RELN: variants seen among roughly 807,000 people sequenced by gnomAD.
The protein encoded by RELN is reelin.
A neutral mutation model predicts 427.6 loss-of-function variants in RELN; 108 were observed. The observed-to-expected ratio is 0.25, with a 90% CI of 0.22 to 0.30. The LOEUF is 0.30. RELN is among the 10% of genes least tolerant of loss of function. The pLI is 1.00. For missense variants in RELN, 3,715 were observed against 4,302.8 expected (o/e 0.86, Z 3.82); for synonymous variants, 1,524 against 1,513.4 (o/e 1.01, Z -0.16).
rs1207522765 is a variant in RELN, at chr7:103,603,728, G to A, written c.3147-238C>T. On this transcript the variant is annotated intron_variant, in intron 23 of 64. Coordinates refer to ENST00000428762, the MANE Select transcript of RELN (RefSeq NM_005045.4). This position sits in a 1 kb window ranked among gnomAD's most constrained non-coding sequence, Gnocchi z 4.3. Reference sequence around the variant, plus strand: ...ATAATGCTGTAAGGGTAGAATTTGGGCATCAAGTATTTACGAAGGACAGTG... The same window carrying A: ...ATAATGCTGTAAGGGTAGAATTTGGACATCAAGTATTTACGAAGGACAGTG... 1.3e-5 allele frequency among the ~76,000 whole-genome samples: 2 copies of A among 152,096 alleles called. No homozygotes were observed. The highest frequency in any genetic ancestry group is 2.9e-5 in the Non-Finnish European group (2 of 68,006).
intron 6 of RELN, among the ~76,000 whole-genome samples, chr7:103,738,123 T>C (rs1432621549): frequency 6.7e-6 from 1 of 149,402 alleles, no homozygotes; most frequent in East Asian, 2.0e-4. Context: ...TAGTTGCCAG[T>C]TATCATTGTG....
chr7:103,920,073 C>T (rs1050805908), intron 1 of RELN, among the ~76,000 whole-genome samples: 6 of 128,828 alleles, frequency 4.7e-5, no homozygotes, highest in Non-Finnish European at 8.6e-5. Context: ...TCTAGATATA[C>T]TCATTTGAAG....
At chr7:103,714,666 T>C (rs1789893294) in intron 8 of RELN, among the ~76,000 whole-genome samples, 1 of 152,166 alleles carries the variant, frequency 6.6e-6, no homozygotes, top group African/African-American at 2.4e-5. Flanking sequence ...TCAGGGGCCG[T>C]AGCCAAAACA....
chr7:103,687,910 A>G (rs1833795930), intron 10 of RELN, among the ~76,000 whole-genome samples: 1 of 152,102 alleles, frequency 6.6e-6, no homozygotes, highest in Non-Finnish European at 1.5e-5. Context: ...TCCATGTTTC[A>G]CTAATGTTAT....
chr7:103,580,485 A>G (rs1831104924), intron 28 of RELN, among the ~76,000 whole-genome samples: 1 of 152,246 alleles, frequency 6.6e-6, no homozygotes, highest in Admixed American at 6.5e-5. Flanking sequence ...TGTGATGCTA[A>G]GGACAATCTG....
chr7:103,577,801 C>G (rs538982035), intron 28 of RELN, among the ~76,000 whole-genome samples: 2 of 152,350 alleles, frequency 1.3e-5, no homozygotes, highest in African/African-American at 4.8e-5. Context: ...TTCCCTAATA[C>G]AAGTCCTCTT....
intron 12 of RELN, among the ~76,000 whole-genome samples, chr7:103,660,255 GT>G (rs1833110241): frequency 6.6e-6 from 1 of 152,066 alleles, no homozygotes; most frequent in South Asian, 2.1e-4. Context: ...AGGGCTTAAG[GT>G]TTTCCAGGAA....
At chr7:103,800,766 A>G (rs1422710362) in intron 3 of RELN, among the ~76,000 whole-genome samples, 2 of 152,214 alleles carry the variant, frequency 1.3e-5, no homozygotes, top group Admixed American at 6.5e-5. Flanking sequence ...TGCACAGCAA[A>G]AGAAACTACC....
chr7:103,892,433 G>A (rs1287855545), intron 2 of RELN, among the ~76,000 whole-genome samples: 17 of 152,190 alleles, frequency 1.1e-4, no homozygotes, highest in Non-Finnish European at 1.2e-4. Context: ...AAACATTTAT[G>A]AAGAGCATGT....
At chr7:103,565,171 TA>T in intron 34 of RELN, 106 bp downstream of exon 34, 1 of 1,419,404 alleles carries the variant, frequency 7.0e-7, no homozygotes, top group Non-Finnish European at 9.9e-7. Context: ...CTTCCATGCA[TA>T]ATTATCATGA....
Position 103,988,788 on chromosome 7 carries a change from G to A in RELN, c.226+343C>T, listed in dbSNP as rs1310271315. Among the ~76,000 whole-genome samples, 1 of 152,230 alleles carries A rather than the reference G, an allele frequency of 6.6e-6. No homozygotes were observed. The highest frequency in any genetic ancestry group is 1.5e-5 in the Non-Finnish European group (1 of 68,040). Reference sequence around the variant, plus strand: ...CAAAGGTCTGAAATCCAAGTCCTAGGAGTAAAGAAACAAAATGCGCAGGTT... The same window carrying A: ...CAAAGGTCTGAAATCCAAGTCCTAGAAGTAAAGAAACAAAATGCGCAGGTT... On this transcript the variant is annotated intron_variant, in intron 1 of 64. Transcript: ENST00000428762. This position sits in a 1 kb window ranked among gnomAD's most constrained non-coding sequence, Gnocchi z 4.9.
At chr7:103,490,044 A>G in intron 59 of RELN, 145 bp from the exon 60 acceptor site, 2 of 907,694 alleles carry the variant, frequency 2.2e-6, no homozygotes, top group East Asian at 2.6e-5. Flanking sequence ...GGCAGAGGTG[A>G]GAGAACTTGT....
At chr7:103,849,294 TTTC>T (rs1793757936) in intron 2 of RELN, among the ~76,000 whole-genome samples, 1 of 136,908 alleles carries the variant, frequency 7.3e-6, no homozygotes, top group African/African-American at 2.8e-5. Context: ...TCACCAGGTC[TTTC>T]TTATTATATC....
intron 1 of RELN, among the ~76,000 whole-genome samples, chr7:103,956,641 C>T (rs1481227526): frequency 6.6e-6 from 1 of 152,102 alleles, no homozygotes; most frequent in Non-Finnish European, 1.5e-5. Context: ...GTGTATAAGA[C>T]TGAAAAATCG....
At chr7:103,665,337 GGTGTGTGTGT>G (rs565319459) in intron 11 of RELN, among the ~76,000 whole-genome samples, 58 of 146,612 alleles carry the variant, frequency 4.0e-4, no homozygotes, top group Non-Finnish European at 3.8e-4. Flanking sequence ...TCATACATAT[GGTGTGTGTGT>G]GTGTGTGTGT....
chr7:103,603,299 C>A lies in RELN; in HGVS notation c.3333+5G>T. The A allele has an allele frequency of 2.5e-6, 4 of 1,612,532 alleles. No individual in the cohort carries two copies. The South Asian group carries it at 4.4e-5, about 18-fold the overall frequency. On this transcript the variant is annotated splice_donor_5th_base_variant and intron_variant, in intron 24 of 64. Transcript: ENST00000428762. This position sits in a 1 kb window ranked among gnomAD's most constrained non-coding sequence, Gnocchi z 4.3. ...CCGATGACTTATCCCAGCTGTTGGT[C>A]ATACCTTGCTGAAGTACAGAGATGA...
intron 16 of RELN, among the ~76,000 whole-genome samples, chr7:103,643,543 T>G (rs1832736007): frequency 6.6e-6 from 1 of 151,966 alleles, no homozygotes. Flanking sequence ...CTTGCTATGT[T>G]GTCCTGGAGT....
At chr7:103,924,376 C>T (rs1007639236) in intron 1 of RELN, among the ~76,000 whole-genome samples, 5 of 151,994 alleles carry the variant, frequency 3.3e-5, no homozygotes, top group Non-Finnish European at 5.9e-5. Context: ...GAGGACTAAA[C>T]GCAGTGTGAT....
In RELN at chr7:103,890,525, A is replaced by G. The variant is rs564657601; in HGVS notation, c.337+26550T>C. Among the ~76,000 whole-genome samples, 9 of 147,810 alleles carry G rather than the reference A, an allele frequency of 6.1e-5. No homozygotes were observed. The South Asian group carries it at 2.0e-3, about 33-fold the overall frequency. On this transcript the variant is annotated intron_variant, in intron 2 of 64. Transcript: ENST00000428762. ...GGTTGTGTACTCCTTACGAGACTCG[A>G]ACAATAAATGTAATGTGCTTGAATC...
Sources: gnomAD v4.1 joint callset for allele counts (sites outside exome capture counted in the v4.1 genomes callset) on GRCh38, gnomAD v4.1.1 for gene constraint, Gnocchi (gnomAD v3.1) non-coding constraint, MANE v1.5 for transcripts, NCBI Gene and HGNC (gene_info 2026-07-23, HGNC 2026-07-21) for gene names.